The following DOCK9 variants were observed in gnomAD, a reference collection of about 807,000 sequenced individuals.
DOCK9 encodes dedicator of cytokinesis protein 9.
In DOCK9, 89 loss-of-function variants were observed where a neutral mutation model predicts 263.3. The ratio of observed to expected loss-of-function variants is 0.34; its 90% CI spans 0.28 to 0.40. The LOEUF (loss-of-function observed/expected upper bound fraction) is 0.40, where lower values mean the gene tolerates loss of function less well. DOCK9 is among the 10% of genes least tolerant of loss of function. The pLI is 1.00. For synonymous variants in DOCK9, 976 were observed against 973.1 expected (o/e 1.00, Z -0.06); for missense variants, 2,140 against 2,603.4 (o/e 0.82, Z 3.87).
chr13:98,898,948 A>G (rs559604929), intron 13 of DOCK9, among the ~76,000 whole-genome samples: 31 of 152,256 alleles, frequency 2.0e-4, no homozygotes, highest in African/African-American at 7.2e-4. Context: ...TAAAAAAGAT[A>G]ATGCTTAATT....
At chr13:98,801,639 T>C (rs2090120834) in intron 49 of DOCK9, among the ~76,000 whole-genome samples, 2 of 152,184 alleles carry the variant, frequency 1.3e-5, no homozygotes, top group Non-Finnish European at 2.9e-5. Context: ...ATCTATAATA[T>C]TCTCACTTGA....
At chr13:99,037,390 A>G (rs1378469384) in intron 1 of DOCK9, among the ~76,000 whole-genome samples, 1 of 152,210 alleles carries the variant, frequency 6.6e-6, no homozygotes, top group African/African-American at 2.4e-5. Context: ...CTAATCAGGG[A>G]TATTAAATTT....
intron 45 of DOCK9, among the ~76,000 whole-genome samples, chr13:98,821,416 C>T (rs2140572310): frequency 6.6e-6 from 1 of 152,334 alleles, no homozygotes; most frequent in Admixed American, 6.5e-5. Flanking sequence ...CCAGCTGCTG[C>T]TAACCTCGGG....
In DOCK9 at chr13:98,897,527, G is replaced by C; in HGVS notation, c.1670C>G (p.Ser557Cys). The C allele has an allele frequency of 6.2e-7, 1 of 1,613,886 alleles. No homozygotes were observed. The highest frequency in any genetic ancestry group is 8.5e-7 in the Non-Finnish European group (1 of 1,179,848). The change falls in exon 15 of 53, where the codon TCC becomes TGC. Residue 557 changes from serine (S) to cysteine (C), a missense_variant. Ser to Cys is a moderately radical substitution (Grantham distance 112). Coordinates refer to ENST00000682017, the MANE Select transcript of DOCK9 (RefSeq NM_001366683.2). ...AIYRQDSNKL[S>C]NDDMLKLLAD... ...AAGTAACTTGAGCATGTCATCATTG[G>C]ATAGCTTATTGCTGTCTTGCCTGTA... is the stretch of plus-strand genomic sequence containing the variant.
intron 1 of DOCK9, among the ~76,000 whole-genome samples, chr13:98,966,095 G>A (rs1475986147): frequency 6.6e-6 from 1 of 152,248 alleles, no homozygotes; most frequent in Non-Finnish European, 1.5e-5. Flanking sequence ...GCCTGCCGTC[G>A]TCAGCTGTGC....
chr13:98,863,014 C>T lies in DOCK9; in HGVS notation c.3579+5G>A, dbSNP rs758008274. 2.6e-5 allele frequency: 41 copies of T among 1,597,238 alleles called. No individual in the cohort carries two copies. In the Admixed American group the frequency reaches 5.0e-4, roughly 20 times the overall value. ...GGCTGAGTTAATGTGACCATGCTTACGTACCATGCCCGCGTTCACAGGGAA... is the reference window on the plus strand; with the variant it reads ...GGCTGAGTTAATGTGACCATGCTTATGTACCATGCCCGCGTTCACAGGGAA... On this transcript the variant is annotated splice_donor_5th_base_variant and intron_variant, in intron 32 of 52. Coordinates refer to ENST00000682017, the MANE Select transcript of DOCK9 (RefSeq NM_001366683.2).
In DOCK9 at chr13:98,970,642, T is replaced by C. The variant is rs1292364927; in HGVS notation, c.126+7142A>G. 2.0e-5 allele frequency among the ~76,000 whole-genome samples: 3 copies of C among 152,316 alleles called. No individual in the cohort carries two copies. In the East Asian group the frequency reaches 5.8e-4, roughly 29 times the overall value. ...TTGAGACCCACTGGTAAGTGGCACT[T>C]ACATTTGTCAGGAAAGGGAACGCTG... On this transcript the variant is annotated intron_variant, in intron 1 of 52. Transcript: ENST00000682017.
At chr13:98,866,060 C>T (rs914062941) in intron 30 of DOCK9, among the ~76,000 whole-genome samples, 2 of 152,134 alleles carry the variant, frequency 1.3e-5, no homozygotes, top group African/African-American at 4.8e-5. Context: ...AAAAGTCTCC[C>T]CCAGATATGC....
chr13:98,987,175 A>G (rs899003152), intron 1 of DOCK9, among the ~76,000 whole-genome samples: 1 of 152,230 alleles, frequency 6.6e-6, no homozygotes, highest in African/African-American at 2.4e-5. Context: ...TCACAAAAAA[A>G]TTGATTAAAG....
At chr13:98,847,991 A>C (rs1434766603) in intron 37 of DOCK9, among the ~76,000 whole-genome samples, 3 of 152,216 alleles carry the variant, frequency 2.0e-5, no homozygotes, top group African/African-American at 7.2e-5. Flanking sequence ...GGTTCTGCAC[A>C]GGAAAGTGGG....
At chr13:98,986,504 G>C (rs983160097) in intron 1 of DOCK9, among the ~76,000 whole-genome samples, 1 of 152,216 alleles carries the variant, frequency 6.6e-6, no homozygotes. Context: ...AATTTAGTTT[G>C]CATTTAGAAG....
chr13:99,029,929 G>T (rs1321766375), intron 1 of DOCK9, among the ~76,000 whole-genome samples: 4 of 152,180 alleles, frequency 2.6e-5, no homozygotes, highest in Non-Finnish European at 5.9e-5. Flanking sequence ...GGTTTATCCA[G>T]ACAACAGAAT....
Position 98,800,323 on chromosome 13 carries a change from G to T in DOCK9, c.5881C>A (p.Leu1961Met). 6.2e-7 allele frequency: 1 copy of T among 1,610,312 alleles called. No homozygotes were observed. The highest frequency in any genetic ancestry group is 8.5e-7 in the Non-Finnish European group (1 of 1,178,296). The change falls in exon 50 of 53, where the codon CTG becomes ATG. Residue 1961 changes from leucine to methionine, a missense_variant. Physicochemically the swap from Leu to Met is conservative, Grantham distance 15. Coordinates refer to ENST00000682017, the MANE Select transcript of DOCK9 (RefSeq NM_001366683.2). ...ACGCTGCCCTGGAGTTTGAGCTGCA[G>T]TTTGATCATGTCCACCTCGGCCGAG... Reference protein sequence around the residue: ...CSSAEVDMIKLQLKLQGSVSV... With the variant: ...CSSAEVDMIKMQLKLQGSVSV...
intron 15 of DOCK9, among the ~76,000 whole-genome samples, chr13:98,891,508 G>A (rs1029558351): frequency 5.9e-5 from 9 of 152,066 alleles, no homozygotes; most frequent in Non-Finnish European, 1.3e-4. Context: ...TGAATGAACA[G>A]GCATCTTCAT....
At chr13:99,022,761 A>G (rs967701645) in intron 1 of DOCK9, among the ~76,000 whole-genome samples, 2 of 152,216 alleles carry the variant, frequency 1.3e-5, no homozygotes, top group African/African-American at 2.4e-5. Flanking sequence ...TGAGCAACAT[A>G]GCAAGACCCC....
chr13:98,818,876 T>A (rs2092083340), intron 45 of DOCK9, among the ~76,000 whole-genome samples: 1 of 152,188 alleles, frequency 6.6e-6, no homozygotes, highest in South Asian at 2.1e-4. Flanking sequence ...TGAAAATGCC[T>A]GCATGAGCCT....
Position 98,921,235 on chromosome 13 carries a change from C to T in DOCK9, c.583-147G>A, listed in dbSNP as rs541576333. The T allele has an allele frequency of 1.2e-4, 89 of 762,558 alleles. No homozygotes were observed. In the South Asian group the frequency reaches 1.2e-3, roughly 10 times the overall value. The allele number at this position is 762,558 out of a possible 1,614,324, so 47.2% of individuals were successfully genotyped here. A position where few individuals can be genotyped will look rare whatever the true frequency, so the allele number is the denominator to read the frequency against. On this transcript the variant is annotated intron_variant, in intron 6 of 52. Transcript: ENST00000682017. ...GCTCCAGGTCACTGTGGGGTCAAGA[C>T]TCCCCATCCCATCTAAGAAGCTCAC...
intron 4 of DOCK9, among the ~76,000 whole-genome samples, chr13:98,924,863 C>T (rs572369694): frequency 1.9e-4 from 29 of 151,974 alleles, no homozygotes; most frequent in African/African-American, 6.5e-4. Context: ...GAACTATAAG[C>T]GAAATAAATC....
intron 36 of DOCK9, among the ~76,000 whole-genome samples, chr13:98,849,564 G>T (rs1431588464): frequency 6.6e-6 from 1 of 152,044 alleles, no homozygotes; most frequent in African/African-American, 2.4e-5. Flanking sequence ...TTGGATAAGG[G>T]ATTGTAAATT....
Sources: gnomAD v4.1 joint callset for allele counts (sites outside exome capture counted in the v4.1 genomes callset) on GRCh38, gnomAD v4.1.1 for gene constraint, MANE v1.5 for transcripts, NCBI Gene and HGNC (gene_info 2026-07-23, HGNC 2026-07-21) for gene names.